Variants in TTC7A observed in about 807,000 individuals in gnomAD.
TTC7A encodes tetratricopeptide repeat protein 7A.
Under a neutral mutation model 103.7 loss-of-function variants are expected in TTC7A, and 110 were observed. The observed-to-expected ratio is 1.06, with a 90% CI of 0.91 to 1.24. The LOEUF (loss-of-function observed/expected upper bound fraction) is 1.24. Ranked by LOEUF, TTC7A falls within the 50% of genes most tolerant of loss-of-function variation. TTC7A has a pLI of 0.00. For missense variants in TTC7A, 1,340 were observed against 1,116.3 expected, an observed-to-expected ratio of 1.20 and a Z score of -2.86; for synonymous variants, 521 against 467.9, an observed-to-expected ratio of 1.11 and a Z score of -1.47.
chr2:47,008,757 A>G lies in TTC7A; in HGVS notation c.1287+2033A>G, dbSNP rs577379617. Among the ~76,000 whole-genome samples, 45 of 152,316 alleles carry G rather than the reference A, an allele frequency of 3.0e-4. 1 individual carries two copies. In the South Asian group the frequency reaches 4.8e-3, roughly 16 times the overall value. On this transcript the variant is annotated intron_variant, in intron 10 of 19. Transcript: ENST00000319190. Reference sequence around the variant, plus strand: ...GAATCAAGGGCCTGTATCTGTGATTATGCCCGAAAGGCCTTCCAGAAGGTG... The same window carrying G: ...GAATCAAGGGCCTGTATCTGTGATTGTGCCCGAAAGGCCTTCCAGAAGGTG...
At position 47,051,756 on chromosome 2, in the gene TTC7A, G is replaced by A. The variant is rs1682875644; in HGVS notation, c.2028G>A (p.Arg676=). 6.2e-7 allele frequency: 1 copy of A among 1,610,066 alleles called. No homozygotes were observed. The highest frequency in any genetic ancestry group is 1.7e-5 in the Admixed American group (1 of 59,962). ...CCTCTTGCTCTGCAGGCTCCCGGCG[G>A]GCTTCGTCCATCGCCGCCTCCCGGC... ...DAHDADSGSR[R]ASSIAASRLE... Residue 676 remains arginine (R), a synonymous_variant, in exon 18 of 20, where the codon CGG becomes CGA. Transcript: ENST00000319190.
chr2:46,942,218 G>A (rs1347903803), intron 1 of TTC7A, among the ~76,000 whole-genome samples: 1 of 152,198 alleles, frequency 6.6e-6, no homozygotes, highest in Admixed American at 6.5e-5. Context: ...GGCTTGGCCA[G>A]CCTCAGTTTC....
At chr2:47,062,126 T>A (rs1016393228) in intron 19 of TTC7A, among the ~76,000 whole-genome samples, 2 of 152,232 alleles carry the variant, frequency 1.3e-5, no homozygotes, top group Non-Finnish European at 2.9e-5. Context: ...TTCAGCCATG[T>A]CAGGGAAAAC....
intron 16 of TTC7A, chr2:47,046,994 C>G: frequency 2.6e-6 from 1 of 391,536 alleles, no homozygotes; most frequent in African/African-American, 2.1e-5. Context: ...TTCATGCCTC[C>G]TGTCTCCTGC....
chr2:47,071,645 C>G (rs1684727612), intron 19 of TTC7A, among the ~76,000 whole-genome samples: 1 of 152,178 alleles, frequency 6.6e-6, no homozygotes, highest in African/African-American at 2.4e-5. Context: ...AGCTGGGATT[C>G]CAACCTGGCC....
At chr2:46,936,373 C>T (rs1317819042), upstream of TTC7A, among the ~76,000 whole-genome samples, 1 of 152,140 alleles carries the variant, frequency 6.6e-6, no homozygotes, top group Non-Finnish European at 1.5e-5. Context: ...AATTTTGTCT[C>T]TGATCAAAAC....
At chr2:46,982,410 A>G (rs147732685) in intron 5 of TTC7A, among the ~76,000 whole-genome samples, 1 of 151,140 alleles carries the variant, frequency 6.6e-6, no homozygotes, top group African/African-American at 2.4e-5. Context: ...AAGGGCCCCT[A>G]CTGGGAAACA....
rs1371825256 is a variant in TTC7A at position 46,957,912 on chromosome 2, CTA to C, written c.517+907_517+908del. 2.0e-5 allele frequency among the ~76,000 whole-genome samples: 3 copies of C among 152,160 alleles called. No individual in the cohort carries two copies. The East Asian group carries it at 5.8e-4, about 29-fold the overall frequency. On this transcript the variant is annotated intron_variant, in intron 3 of 19. Coordinates refer to ENST00000319190, the MANE Select transcript of TTC7A (RefSeq NM_020458.4). Reference sequence around the variant, plus strand: ...GCATTTGGTGCCTGGCATTTGTAGACTATGTGACACACTCTATTATAGATAGG... The same window carrying C: ...GCATTTGGTGCCTGGCATTTGTAGACTGTGACACACTCTATTATAGATAGG...
intron 11 of TTC7A, among the ~76,000 whole-genome samples, chr2:47,012,204 G>A (rs532920085): frequency 6.6e-6 from 1 of 152,346 alleles, no homozygotes; most frequent in South Asian, 2.1e-4. Context: ...CCAGCAATGG[G>A]GCCTCTGTGC....
Position 46,950,368 on chromosome 2 carries a change from T to C in TTC7A, c.190T>C (p.Phe64Leu). 6.2e-7 allele frequency: 1 copy of C among 1,613,952 alleles called. No individual in the cohort carries two copies. The highest frequency in any genetic ancestry group is 1.1e-5 in the South Asian group (1 of 91,076). ...ACCCCTACTTTGCTTTTCAGATGACTTTGGGAAATTGCTGCTGGCTGAGGC... is the reference window on the plus strand; with the variant it reads ...ACCCCTACTTTGCTTTTCAGATGACCTTGGGAAATTGCTGCTGGCTGAGGC... ...AAFTFPDTDD[F>L]GKLLLAEALL... is the part of the protein sequence containing the mutation. The change falls in exon 2 of 20, where the codon TTT becomes CTT. Residue 64 changes from phenylalanine (F) to leucine (L), a missense_variant. Coordinates refer to ENST00000319190, the MANE Select transcript of TTC7A (RefSeq NM_020458.4).
At chr2:47,065,974 T>G (rs1363639176) in intron 19 of TTC7A, 1 of 152,080 alleles carries the variant, frequency 6.6e-6, no homozygotes, top group Non-Finnish European at 1.5e-5. Flanking sequence ...TGCTTTCTTC[T>G]TGGTGAGGGA....
intron 8 of TTC7A, among the ~76,000 whole-genome samples, chr2:47,000,675 C>G (rs1300594574): frequency 6.6e-6 from 1 of 152,108 alleles, no homozygotes; most frequent in Non-Finnish European, 1.5e-5. Context: ...AGGGAGGGGG[C>G]AGGTGCTGGG....
chr2:47,032,859 C>CAAAAAAAA (rs10586448), intron 15 of TTC7A, among the ~76,000 whole-genome samples: 1 of 87,990 alleles, frequency 1.1e-5, no homozygotes, highest in Non-Finnish European at 2.4e-5. Flanking sequence ...TTGTTTTAAG[C>CAAAAAAAA]AAAAAAAAAA....
intron 15 of TTC7A, among the ~76,000 whole-genome samples, chr2:47,045,064 G>T (rs1295429776): frequency 1.3e-5 from 2 of 152,340 alleles, no homozygotes; most frequent in Non-Finnish European, 2.9e-5. Context: ...CAGTGATCAA[G>T]TGCAGGCCCT....
rs1677547655 is a variant in TTC7A, at chr2:47,007,537, C to G, written c.1287+813C>G. Among the ~76,000 whole-genome samples the G allele has an allele frequency of 6.6e-6, 1 of 152,174 alleles. No homozygotes were observed. Among genetic ancestry groups the G allele is most frequent in the Non-Finnish European group, 1.5e-5 (1 of 68,030 alleles). ...TCATGGGGCTGAGGGAATTCCTCGC[C>G]CCCCTGGCCCATCTGTGCCACGTTC... On this transcript the variant is annotated intron_variant, in intron 10 of 19. Coordinates refer to ENST00000319190, the MANE Select transcript of TTC7A (RefSeq NM_020458.4). This position sits in a 1 kb window ranked among gnomAD's most constrained non-coding sequence, Gnocchi z 4.9.
At chr2:46,983,504 T>A (rs1488620420) in intron 5 of TTC7A, among the ~76,000 whole-genome samples, 1 of 151,992 alleles carries the variant, frequency 6.6e-6, no homozygotes, top group Non-Finnish European at 1.5e-5. Flanking sequence ...CAGGGATGAG[T>A]CTGGGGGACC....
intron 14 of TTC7A, among the ~76,000 whole-genome samples, 187 bp downstream of exon 14, chr2:47,024,546 G>A (rs1232305501): frequency 6.6e-6 from 1 of 152,088 alleles, no homozygotes; most frequent in Non-Finnish European, 1.5e-5. Flanking sequence ...AGGTAATGTG[G>A]GTAAAGCCGT....
chr2:47,073,072 G>A (rs556913894), intron 19 of TTC7A, among the ~76,000 whole-genome samples: 23 of 152,056 alleles, frequency 1.5e-4, no homozygotes, highest in Admixed American at 3.9e-4. Flanking sequence ...CCCATCCCCC[G>A]CCATCTGACT....
intron 3 of TTC7A, among the ~76,000 whole-genome samples, chr2:46,965,258 C>T (rs11125107): frequency 0.42 from 63,845 of 152,262 alleles, 14,970 homozygotes; most frequent in East Asian, 0.65. Context: ...AAGAACACTA[C>T]GCTGCTTCCA....
Sources: allele counts gnomAD v4.1 joint callset (sites outside exome capture counted in the v4.1 genomes callset), GRCh38; gene constraint gnomAD v4.1.1; non-coding constraint Gnocchi (gnomAD v3.1); transcripts MANE v1.5; gene names NCBI Gene and HGNC (gene_info 2026-07-23, HGNC 2026-07-21).